The following SMYD4 variants were observed in gnomAD, a reference collection of about 807,000 sequenced individuals.
SMYD4 encodes the protein SET and MYND domain containing 4.
A neutral mutation model predicts 72.8 loss-of-function variants in SMYD4; 68 were observed. The observed-to-expected ratio is 0.93, with a 90% CI of 0.77 to 1.14. The LOEUF (loss-of-function observed/expected upper bound fraction) is 1.14, where lower values mean the gene tolerates loss of function less well. SMYD4 is among the 50% of genes most tolerant of loss of function. SMYD4 has a pLI of 0.00. For missense variants in SMYD4, 984 were observed against 1,003.7 expected (o/e 0.98, Z 0.27); for synonymous variants, 407 against 388.6 (o/e 1.05, Z -0.56).
In SMYD4 at chr17:1,804,233, C is replaced by T. The variant is rs113521293; in HGVS notation, c.369+393G>A. 6.9e-5 allele frequency: 14 copies of T among 201,598 alleles called. 1 individual carries two copies. Among genetic ancestry groups the T allele is most frequent in the African/African-American group, 2.3e-4 (10 of 43,116 alleles). The allele number at this position is 201,598 out of a possible 1,614,324, so 12.5% of individuals were successfully genotyped here. On this transcript the variant is annotated intron_variant, in intron 4 of 10. Transcript: ENST00000305513. Reference sequence around the variant, plus strand: ...TCACCCAGGCTGGAGTGCAGTGGTGCGATCTCGGCTCACTGTAACCTCTAC... The same window carrying T: ...TCACCCAGGCTGGAGTGCAGTGGTGTGATCTCGGCTCACTGTAACCTCTAC...
At chr17:1,787,291 A>C (rs1908745436) in intron 6 of SMYD4, 131 bp downstream of exon 6, 49 of 1,223,020 alleles carry the variant, frequency 4.0e-5, no homozygotes, top group Non-Finnish European at 5.7e-5. Context: ...TTTTTGGCCT[A>C]AGTGTTCACT....
At chr17:1,803,554 C>T (rs868807327) in intron 4 of SMYD4, among the ~76,000 whole-genome samples, 8 of 152,130 alleles carry the variant, frequency 5.3e-5, no homozygotes, top group African/African-American at 1.9e-4. Context: ...TGCAGTGGCA[C>T]GATCTCAGCT....
intron 5 of SMYD4, among the ~76,000 whole-genome samples, chr17:1,799,043 G>A (rs1303617737): frequency 2.0e-5 from 3 of 151,956 alleles, no homozygotes; most frequent in Non-Finnish European, 4.4e-5. Context: ...AGGCTGAGGC[G>A]GGCGGATCAC....
At chr17:1,789,934 T>TC (rs1371542195) in intron 5 of SMYD4, among the ~76,000 whole-genome samples, 1 of 152,166 alleles carries the variant, frequency 6.6e-6, no homozygotes, top group Non-Finnish European at 1.5e-5. Context: ...CTACAAATTG[T>TC]ATTAAAATCT....
At chr17:1,795,560 A>G (rs1315982359) in intron 5 of SMYD4, among the ~76,000 whole-genome samples, 1 of 152,084 alleles carries the variant, frequency 6.6e-6, no homozygotes, top group Admixed American at 6.6e-5. Context: ...CTCATGCCTT[A>G]GCCTCCCGTG....
At chr17:1,817,391 T>C (rs1192601424) in intron 2 of SMYD4, among the ~76,000 whole-genome samples, 1 of 151,938 alleles carries the variant, frequency 6.6e-6, no homozygotes, top group Non-Finnish European at 1.5e-5. Flanking sequence ...GGCTGGAGTG[T>C]AGTTGGCTTG....
At chr17:1,817,583 C>T (rs941549383) in intron 2 of SMYD4, among the ~76,000 whole-genome samples, 2 of 152,142 alleles carry the variant, frequency 1.3e-5, no homozygotes, top group Admixed American at 1.3e-4. Flanking sequence ...ATCCTTCCGC[C>T]TTGGCCTCTC....
rs371057333 is a variant in SMYD4 at position 1,787,480 on chromosome 17, G to A, written c.1662C>T (p.Val554=). The A allele has an allele frequency of 1.5e-5, 23 of 1,570,588 alleles. No individual in the cohort carries two copies. The highest frequency in any genetic ancestry group is 4.0e-5 in the African/African-American group (3 of 74,130). Residue 554 remains valine, a synonymous_variant, in exon 6 of 11, where the codon GTC becomes GTT. Coordinates refer to ENST00000305513, the MANE Select transcript of SMYD4 (RefSeq NM_052928.3). Reference sequence around the variant, plus strand: ...TCCGCTGTGACGCCCGGATGGTGGCGACAGTGCTAATGAAGGACACGCTGG... The same window carrying A: ...TCCGCTGTGACGCCCGGATGGTGGCAACAGTGCTAATGAAGGACACGCTGG... ...PNTSVSFIST[V]ATIRASQRIR...
chr17:1,789,705 C>T (rs1367315387), intron 5 of SMYD4, among the ~76,000 whole-genome samples: 2 of 137,906 alleles, frequency 1.5e-5, no homozygotes, highest in Admixed American at 7.9e-5. Flanking sequence ...GTGGAGGTTG[C>T]AGTGAGCCGA....
intron 2 of SMYD4, among the ~76,000 whole-genome samples, chr17:1,819,979 G>A (rs956968534): frequency 2.0e-5 from 3 of 151,980 alleles, no homozygotes; most frequent in African/African-American, 7.3e-5. Context: ...GTAGAGATGG[G>A]GTTTTGCCAT....
chr17:1,826,491 CAAA>C lies in SMYD4; in HGVS notation c.134+1367_134+1369del, dbSNP rs111636314. 3.0e-4 allele frequency among the ~76,000 whole-genome samples: 31 copies of C among 103,114 alleles called. 1 individual carries two copies. The highest frequency in any genetic ancestry group is 5.2e-4 in the Non-Finnish European group (26 of 49,604). 67.6% of individuals were successfully genotyped at this position (103,114 alleles called of 152,430 possible). On this transcript the variant is annotated intron_variant, in intron 2 of 10. Transcript: ENST00000305513. ...TGGGCAACAAGAGCAAAACTCTGTC[CAAA>C]AAAAAAAAAAAAAAAAAAAAAAAAG...
In SMYD4 at chr17:1,793,821, A is replaced by C. The variant is rs1193921209; in HGVS notation, c.1537+6036T>G. On this transcript the variant is annotated intron_variant, in intron 5 of 10. Coordinates refer to ENST00000305513, the MANE Select transcript of SMYD4 (RefSeq NM_052928.3). ...CAGGAGATTAGGTCTTCTGCCTCTC[A>C]GTGCAGTGTTTTTTTTTTGAGAGGA... Among the ~76,000 whole-genome samples the C allele has an allele frequency of 7.4e-5, 11 of 148,348 alleles. No homozygotes were observed. In the Admixed American group the frequency reaches 7.4e-4, roughly 10 times the overall value.
chr17:1,805,855 T>TA (rs1321508984), intron 3 of SMYD4, among the ~76,000 whole-genome samples: 48 of 150,250 alleles, frequency 3.2e-4, no homozygotes, highest in Non-Finnish European at 6.4e-4. Context: ...TATATATATG[T>TA]ATAAGTAGGT....
chr17:1,818,822 T>C (rs73299063), intron 2 of SMYD4, among the ~76,000 whole-genome samples: 8,695 of 151,416 alleles, frequency 0.057, 859 homozygotes, highest in African/African-American at 0.2. Flanking sequence ...CTTTTTATTT[T>C]TATAAAATAG....
At chr17:1,789,153 C>T (rs150151323) in intron 5 of SMYD4, among the ~76,000 whole-genome samples, 2,494 of 152,024 alleles carry the variant, frequency 0.016, 23 homozygotes, top group Middle Eastern at 0.075. Context: ...TTTGGGAGGC[C>T]GAGGCGGGTG....
chr17:1,794,105 A>ATATTTTTTTTTTTTT (rs1291818005), intron 5 of SMYD4, among the ~76,000 whole-genome samples: 1 of 12,982 alleles, frequency 7.7e-5, no homozygotes, highest in Non-Finnish European at 1.4e-4. Flanking sequence ...ATATATATAT[A>ATATTTTTTTTTTTTT]TTTTTTTTTT....
At chr17:1,799,740 G>T in intron 5 of SMYD4, 117 bp downstream of exon 5, 2 of 982,836 alleles carry the variant, frequency 2.0e-6, no homozygotes, top group Non-Finnish European at 2.9e-6. Flanking sequence ...ACAGCTTAGT[G>T]ATCCCATTAG....
chr17:1,803,926 A>C (rs1909899902), intron 4 of SMYD4, among the ~76,000 whole-genome samples: 1 of 149,222 alleles, frequency 6.7e-6, no homozygotes, highest in African/African-American at 2.5e-5. Context: ...GCCAGGCTGG[A>C]GTGCAGTGGT....
At position 1,781,280 on chromosome 17, in the gene SMYD4, G is replaced by A. The variant is rs1908346235; in HGVS notation, c.*6C>T. The A allele has an allele frequency of 6.2e-7, 1 of 1,610,826 alleles. No individual in the cohort carries two copies. The highest frequency in any genetic ancestry group is 8.5e-7 in the Non-Finnish European group (1 of 1,179,484). ...CTTTTCTGTGGGTCAAAATCCTCCT[G>A]GAACCCTACAATGCAGGCCCTACAG... On this transcript the variant is annotated 3_prime_UTR_variant, in exon 11 of 11. Transcript: ENST00000305513.
Sources: gnomAD v4.1 joint callset for allele counts (sites outside exome capture counted in the v4.1 genomes callset) on GRCh38, gnomAD v4.1.1 for gene constraint, MANE v1.5 for transcripts, NCBI Gene and HGNC (gene_info 2026-07-23, HGNC 2026-07-21) for gene names.